The following GRID1 variants were observed in gnomAD, a reference collection of about 807,000 sequenced individuals.
GRID1 encodes the protein glutamate receptor ionotropic, delta-1.
A neutral mutation model predicts 98.0 loss-of-function variants in GRID1; 28 were observed. The ratio of observed to expected loss-of-function variants is 0.29; its 90% CI spans 0.21 to 0.39. The LOEUF (loss-of-function observed/expected upper bound fraction) is 0.39. Ranked by LOEUF, GRID1 falls within the 10% of genes least tolerant of loss-of-function variation. The pLI is 1.00. For synonymous variants in GRID1, 553 were observed against 538.5 expected (o/e 1.03, Z -0.37); for missense variants, 1,111 against 1,340.5 (o/e 0.83, Z 2.67).
intron 2 of GRID1, among the ~76,000 whole-genome samples, chr10:86,241,189 C>T (rs191408811): frequency 1.3e-5 from 2 of 152,370 alleles, no homozygotes; most frequent in East Asian, 1.9e-4. Flanking sequence ...TGGCTATGAA[C>T]TCTCACCTTA....
At chr10:85,811,850 G>T (rs745948077) in intron 8 of GRID1, among the ~76,000 whole-genome samples, 17 of 152,142 alleles carry the variant, frequency 1.1e-4, no homozygotes, top group South Asian at 2.1e-4. Context: ...GGTCCAGAAA[G>T]CTCAAAGGAC....
chr10:85,860,778 C>T (rs887133436), intron 6 of GRID1, among the ~76,000 whole-genome samples: 4 of 151,984 alleles, frequency 2.6e-5, no homozygotes, highest in South Asian at 4.1e-4. Context: ...GTTGATGGAA[C>T]GAGTGAAGTA....
rs190513716 is a variant in GRID1, at chr10:86,250,657, G to A, written c.236-44009C>T. Among the ~76,000 whole-genome samples, 17 of 151,140 alleles carry A rather than the reference G, an allele frequency of 1.1e-4. No homozygotes were observed. In the East Asian group the frequency reaches 2.0e-3, roughly 17 times the overall value. On this transcript the variant is annotated intron_variant, in intron 2 of 15. Coordinates refer to ENST00000327946, the MANE Select transcript of GRID1 (RefSeq NM_017551.3). ...GTCTGGGAGGTGGGGGGCAGCCCCC[G>A]CCTGGCCAGCCGCCCAGTCCGGGAG...
At chr10:86,355,434 A>G (rs575108427) in intron 2 of GRID1, among the ~76,000 whole-genome samples, 87 of 152,320 alleles carry the variant, frequency 5.7e-4, no homozygotes, top group Non-Finnish European at 5.9e-4. Flanking sequence ...AACTGGAAAG[A>G]TGGGGCCATC....
chr10:86,059,291 G>A (rs1843618270), intron 4 of GRID1, among the ~76,000 whole-genome samples: 1 of 152,208 alleles, frequency 6.6e-6, no homozygotes, highest in Non-Finnish European at 1.5e-5. Context: ...GTAGACAAAA[G>A]TAACCTGCAG....
chr10:86,012,193 TC>T (rs1304000066), intron 4 of GRID1, among the ~76,000 whole-genome samples: 1 of 152,102 alleles, frequency 6.6e-6, no homozygotes, highest in East Asian at 1.9e-4. Flanking sequence ...CAAAAGCCAC[TC>T]CCTTCGGCAA....
rs540577802 is a variant in GRID1, at chr10:86,144,482, G to A, written c.521-5458C>T. Among the ~76,000 whole-genome samples, 31 of 152,218 alleles carry A rather than the reference G, an allele frequency of 2.0e-4. 1 individual carries two copies. The highest frequency in any genetic ancestry group is 6.2e-4 in the South Asian group (3 of 4,828). On this transcript the variant is annotated intron_variant, in intron 3 of 15. Coordinates refer to ENST00000327946, the MANE Select transcript of GRID1 (RefSeq NM_017551.3). The stretch of plus-strand genomic sequence containing the variant: ...GAGGAGAGGACACAGGTCCCTCCCC[G>A]CCTCCACACCAGCTTTCTGACACCT...
chr10:86,171,203 C>T (rs1377295771), intron 3 of GRID1, among the ~76,000 whole-genome samples: 1 of 152,236 alleles, frequency 6.6e-6, no homozygotes, highest in Non-Finnish European at 1.5e-5. Flanking sequence ...GCCAGGGCAG[C>T]AAGAGCTTAA....
At chr10:85,993,354 G>T (rs1842704735) in intron 4 of GRID1, among the ~76,000 whole-genome samples, 1 of 152,228 alleles carries the variant, frequency 6.6e-6, no homozygotes, top group Non-Finnish European at 1.5e-5. Context: ...CCGATCAATG[G>T]TATGGGCCAT....
Position 85,600,978 on chromosome 10 carries a change from A to G in GRID1, c.*1295T>C, listed in dbSNP as rs1022721759. The G allele has an allele frequency of 6.6e-6, 1 of 152,294 alleles. No individual in the cohort carries two copies. The highest frequency in any genetic ancestry group is 6.6e-5 in the Admixed American group (1 of 15,264). 9.4% of individuals were successfully genotyped at this position (152,294 alleles called of 1,614,324 possible). A position where few individuals can be genotyped will look rare whatever the true frequency, so the allele number is the denominator to read the frequency against. Reference sequence around the variant, plus strand: ...AGGTGGAAGGGAGAGTTTGTGCTGGAGCCAGCCCTGTTTGTTGGACTGCCT... The same window carrying G: ...AGGTGGAAGGGAGAGTTTGTGCTGGGGCCAGCCCTGTTTGTTGGACTGCCT... On this transcript the variant is annotated 3_prime_UTR_variant, in exon 16 of 16. Transcript: ENST00000327946.
Position 85,854,550 on chromosome 10 carries a change from C to T in GRID1, c.1179G>A (p.Gln393=), listed in dbSNP as rs778670019. ...TATAGGTAGTGCCAAGGATTTCAAA[C>T]TGGACATAGGGATTCGAACTGTCCT... ...FREDSSNPYV[Q]FEILGTTYSE... Residue 393 remains glutamine (Q), a synonymous_variant, in exon 8 of 16, where the codon CAG becomes CAA. Coordinates refer to ENST00000327946, the MANE Select transcript of GRID1 (RefSeq NM_017551.3). 5 of 1,613,736 alleles carry T rather than the reference C, an allele frequency of 3.1e-6. No homozygotes were observed. In the East Asian group the frequency reaches 1.1e-4, roughly 36 times the overall value.
intron 4 of GRID1, among the ~76,000 whole-genome samples, chr10:86,010,212 A>G (rs1733624111): frequency 6.6e-6 from 1 of 152,244 alleles, no homozygotes; most frequent in South Asian, 2.1e-4. Flanking sequence ...TTAGAGAATG[A>G]GCAAACATTA....
chr10:86,049,836 G>A (rs952393237), intron 4 of GRID1, among the ~76,000 whole-genome samples: 1 of 152,106 alleles, frequency 6.6e-6, no homozygotes, highest in African/African-American at 2.4e-5. Flanking sequence ...TTTTGTCATC[G>A]TTTAAGCCCA....
chr10:85,661,433 G>A (rs745343116), intron 12 of GRID1, among the ~76,000 whole-genome samples: 1 of 152,182 alleles, frequency 6.6e-6, no homozygotes, highest in Non-Finnish European at 1.5e-5. Context: ...AAACACAGCT[G>A]TTTTCTCTGA....
intron 8 of GRID1, among the ~76,000 whole-genome samples, chr10:85,805,994 T>A (rs183542118): frequency 0.01 from 1,457 of 141,420 alleles, 20 homozygotes; most frequent in African/African-American, 0.036. Context: ...TATCATGCTT[T>A]AAAAAAAAAA....
chr10:85,850,638 G>A (rs868242399), intron 8 of GRID1, among the ~76,000 whole-genome samples: 6 of 152,180 alleles, frequency 3.9e-5, no homozygotes, highest in African/African-American at 1.4e-4. Context: ...GCCTTCCTGT[G>A]CCTCTCTGCT....
chr10:86,263,594 C>T (rs1286923915), intron 2 of GRID1, among the ~76,000 whole-genome samples: 2 of 152,262 alleles, frequency 1.3e-5, no homozygotes, highest in African/African-American at 4.8e-5. Context: ...TGGAATCCTG[C>T]TGTGCCACTC....
chr10:85,820,060 AGGC>A, intron 8 of GRID1, among the ~76,000 whole-genome samples: 1 of 115,422 alleles, frequency 8.7e-6, no homozygotes, highest in African/African-American at 4.0e-5. Flanking sequence ...GCAGGCAGGC[AGGC>A]AGGCAGGAAG....
intron 2 of GRID1, among the ~76,000 whole-genome samples, chr10:86,243,980 C>CT (rs1201340789): frequency 1.3e-5 from 2 of 152,218 alleles, no homozygotes; most frequent in Non-Finnish European, 2.9e-5. Flanking sequence ...CACACGTGTG[C>CT]TTGTGTGCAC....
Sources: gnomAD v4.1 joint callset for allele counts (sites outside exome capture counted in the v4.1 genomes callset) on GRCh38, gnomAD v4.1.1 for gene constraint, MANE v1.5 for transcripts, NCBI Gene and HGNC (gene_info 2026-07-23, HGNC 2026-07-21) for gene names.